Variants in WWOX observed in about 807,000 individuals in gnomAD.
WWOX encodes the protein WW domain-containing oxidoreductase.
WWOX carries 69 observed loss-of-function variants against 46.2 expected under a neutral mutation model. The observed-to-expected ratio is 1.49, with a 90% CI of 1.23 to 1.82. The LOEUF (loss-of-function observed/expected upper bound fraction) is 1.82, where lower values mean the gene tolerates loss of function less well. Ranked by LOEUF, WWOX falls within the 40% of genes most tolerant of loss-of-function variation. The pLI is 0.00. For missense variants in WWOX, 919 were observed against 542.6 expected, an observed-to-expected ratio of 1.69 and a Z score of -6.89; for synonymous variants, 359 against 202.6, an observed-to-expected ratio of 1.77 and a Z score of -6.56.
At chr16:79,035,234 G>C (rs1056739096) in intron 8 of WWOX, among the ~76,000 whole-genome samples, 4 of 152,112 alleles carry the variant, frequency 2.6e-5, no homozygotes, top group Non-Finnish European at 5.9e-5. Flanking sequence ...TAGAAAACAA[G>C]ACCACGTACC....
intron 7 of WWOX, among the ~76,000 whole-genome samples, chr16:78,425,408 A>G (rs1000385417): frequency 5.3e-5 from 8 of 152,220 alleles, no homozygotes; most frequent in African/African-American, 1.9e-4. Context: ...CAGTTATTCT[A>G]GCAGGAGAAA....
intron 8 of WWOX, among the ~76,000 whole-genome samples, chr16:79,121,628 C>T (rs780603673): frequency 1.3e-5 from 2 of 152,104 alleles, no homozygotes; most frequent in Non-Finnish European, 2.9e-5. Flanking sequence ...TCAAAGACTC[C>T]ATGGAGTCCA....
At chr16:79,152,689 C>G (rs929504912) in intron 8 of WWOX, among the ~76,000 whole-genome samples, 1 of 145,132 alleles carries the variant, frequency 6.9e-6, no homozygotes, top group East Asian at 2.0e-4. Context: ...AAAAAAAAAA[C>G]AAAAACCTGC....
intron 8 of WWOX, among the ~76,000 whole-genome samples, chr16:78,520,546 T>C (rs529739698): frequency 2.0e-5 from 3 of 151,804 alleles, no homozygotes; most frequent in South Asian, 2.1e-4. Flanking sequence ...TCGTCTTGGA[T>C]GCTCAGCACA....
At chr16:78,965,610 T>C (rs1269338830) in intron 8 of WWOX, among the ~76,000 whole-genome samples, 2 of 151,960 alleles carry the variant, frequency 1.3e-5, no homozygotes, top group Non-Finnish European at 2.9e-5. Flanking sequence ...ATACACAGTC[T>C]AATGCTTTCC....
chr16:78,724,159 C>T (rs2048767649), intron 8 of WWOX, among the ~76,000 whole-genome samples: 1 of 152,186 alleles, frequency 6.6e-6, no homozygotes. Flanking sequence ...TTTGCCACAT[C>T]CCGGTTCATA....
At chr16:78,544,505 G>C (rs1318896638) in intron 8 of WWOX, among the ~76,000 whole-genome samples, 1 of 152,212 alleles carries the variant, frequency 6.6e-6, no homozygotes, top group Admixed American at 6.5e-5. Context: ...CTGAGTGGCA[G>C]AGTTGTAATT....
intron 5 of WWOX, among the ~76,000 whole-genome samples, chr16:78,282,088 G>T (rs1394656899): frequency 6.6e-6 from 1 of 152,186 alleles, no homozygotes; most frequent in African/African-American, 2.4e-5. Context: ...ACCTATCCCT[G>T]AATCAGTCAT....
intron 8 of WWOX, among the ~76,000 whole-genome samples, chr16:79,005,527 C>T (rs995600678): frequency 1.2e-4 from 18 of 152,168 alleles, no homozygotes; most frequent in Admixed American, 7.2e-4. Context: ...TCTATGGGGG[C>T]GTCCTCTTTG....
intron 8 of WWOX, among the ~76,000 whole-genome samples, chr16:78,689,979 G>C (rs1308331199): frequency 6.6e-6 from 1 of 152,030 alleles, no homozygotes; most frequent in African/African-American, 2.4e-5. Flanking sequence ...TCCTACCTCA[G>C]CCTCCTGAGT....
chr16:78,538,800 G>T (rs1202518077), intron 8 of WWOX, among the ~76,000 whole-genome samples: 1 of 152,204 alleles, frequency 6.6e-6, no homozygotes, highest in Non-Finnish European at 1.5e-5. Context: ...AAACGCATGG[G>T]TGGAAATGTA....
chr16:78,993,506 A>G (rs775213574), intron 8 of WWOX, among the ~76,000 whole-genome samples: 32 of 152,200 alleles, frequency 2.1e-4, no homozygotes, highest in Non-Finnish European at 4.3e-4. Flanking sequence ...ACTAATCAGC[A>G]CGCAGGAGCC....
chr16:78,567,919 C>T lies in WWOX; in HGVS notation c.1056+135167C>T, dbSNP rs117949403. 6.4e-3 allele frequency among the ~76,000 whole-genome samples: 976 copies of T among 152,240 alleles called. 4 individuals are homozygous for T. The highest frequency in any genetic ancestry group is 9.9e-3 in the Non-Finnish European group (674 of 68,020). ...ACAAGCACCCTGCTGCCCTTGTTTT[C>T]CAGTGGCTCACCGGGGCTCTGCGAG... On this transcript the variant is annotated intron_variant, in intron 8 of 8. Coordinates refer to ENST00000566780, the MANE Select transcript of WWOX (RefSeq NM_016373.4).
At position 78,699,177 on chromosome 16, in the gene WWOX, A is replaced by G. The variant is rs139687440; in HGVS notation, c.1056+266425A>G. On this transcript the variant is annotated intron_variant, in intron 8 of 8. Transcript: ENST00000566780. ...TTTATAAAAACAGGTCACGGGCCACATTTGGCCCATCAGCCATAGTTTCCC... is the reference window on the plus strand; with the variant it reads ...TTTATAAAAACAGGTCACGGGCCACGTTTGGCCCATCAGCCATAGTTTCCC... 5.2e-3 allele frequency among the ~76,000 whole-genome samples: 790 copies of G among 152,336 alleles called. 10 individuals are homozygous for G. The highest frequency in any genetic ancestry group is 0.018 in the African/African-American group (755 of 41,564).
At chr16:78,874,081 C>A (rs1428458915) in intron 8 of WWOX, among the ~76,000 whole-genome samples, 1 of 149,420 alleles carries the variant, frequency 6.7e-6, no homozygotes, top group African/African-American at 2.4e-5. Flanking sequence ...CCAACCCTGT[C>A]TCTACTAAAA....
At chr16:78,975,008 C>G (rs1313630992) in intron 8 of WWOX, among the ~76,000 whole-genome samples, 1 of 152,184 alleles carries the variant, frequency 6.6e-6, no homozygotes, top group African/African-American at 2.4e-5. Flanking sequence ...CCCCTCTTCT[C>G]TCCTGGTGAG....
intron 8 of WWOX, among the ~76,000 whole-genome samples, chr16:78,561,628 G>T (rs536037632): frequency 4.7e-4 from 72 of 152,196 alleles, no homozygotes; most frequent in Non-Finnish European, 9.1e-4. Context: ...GATATTTGGA[G>T]AGACTTTTTC....
At chr16:78,330,741 C>T (rs80144203) in intron 5 of WWOX, among the ~76,000 whole-genome samples, 1,528 of 152,318 alleles carry the variant, frequency 0.01, 20 homozygotes, top group African/African-American at 0.034. Flanking sequence ...TTTTTCTGAA[C>T]ATGTCAGTGA....
rs1442291133 is a variant in WWOX at position 78,768,267 on chromosome 16, T to A, written c.1056+335515T>A. Among the ~76,000 whole-genome samples, 7 of 94,384 alleles carry A rather than the reference T, an allele frequency of 7.4e-5. No homozygotes were observed. In the Admixed American group the frequency reaches 9.3e-4, roughly 13 times the overall value. 61.9% of individuals were successfully genotyped at this position (94,384 alleles called of 152,430 possible). A position where few individuals can be genotyped will look rare whatever the true frequency, so the allele number is the denominator to read the frequency against. ...GTGAAATCTCAAGCAAGCCAAAAAG[T>A]GATAGATGAGTTAAAAAAAAAAAAA... On this transcript the variant is annotated intron_variant, in intron 8 of 8. Coordinates refer to ENST00000566780, the MANE Select transcript of WWOX (RefSeq NM_016373.4).
Sources: gnomAD v4.1 joint callset for allele counts (sites outside exome capture counted in the v4.1 genomes callset) on GRCh38, gnomAD v4.1.1 for gene constraint, MANE v1.5 for transcripts, NCBI Gene and HGNC (gene_info 2026-07-23, HGNC 2026-07-21) for gene names.